DIPK1A: variants seen among roughly 807,000 people sequenced by gnomAD.
DIPK1A encodes family with sequence similarity 69 member A.
Under a neutral mutation model 40.8 loss-of-function variants are expected in DIPK1A, and 27 were observed. The observed-to-expected ratio is 0.66, with a 90% CI of 0.49 to 0.91. The LOEUF is 0.91. DIPK1A is among the 40% of genes least tolerant of loss of function. The pLI is 0.00. For synonymous variants in DIPK1A, 166 were observed against 171.3 expected, an observed-to-expected ratio of 0.97 and a Z score of 0.24; for missense variants, 412 against 505.7, an observed-to-expected ratio of 0.81 and a Z score of 1.78.
Position 92,938,468 on chromosome 1 carries a change from T to TAAAAA in DIPK1A, c.54+22903_54+22907dup, listed in dbSNP as rs71094215. On this transcript the variant is annotated intron_variant, in intron 1 of 4. Transcript: ENST00000370310. ...CTGGGCAACAGAGCGAGACCTTTAC[T>TAAAAA]AAAAAAAAAAAAAAAAAAAAAGTTG... 5.1e-5 allele frequency among the ~76,000 whole-genome samples: 5 copies of TAAAAA among 98,594 alleles called. 1 individual carries two copies. The highest frequency in any genetic ancestry group is 4.1e-5 in the Non-Finnish European group (2 of 49,078). The allele number at this position is 98,594 out of a possible 152,430, so 64.7% of individuals were successfully genotyped here.
At chr1:92,891,803 T>A (rs889427400) in intron 1 of DIPK1A, among the ~76,000 whole-genome samples, 1 of 152,102 alleles carries the variant, frequency 6.6e-6, no homozygotes, top group Non-Finnish European at 1.5e-5. Flanking sequence ...TCGGGTCACT[T>A]TACCCTAATA....
intron 1 of DIPK1A, among the ~76,000 whole-genome samples, chr1:92,911,906 A>T (rs185510066): frequency 6.6e-6 from 1 of 151,100 alleles, no homozygotes; most frequent in East Asian, 1.9e-4. Context: ...TGGGAGGCTA[A>T]GGCACAAGAA....
intron 2 of DIPK1A, among the ~76,000 whole-genome samples, chr1:92,865,965 A>G (rs1268421234): frequency 6.6e-6 from 1 of 152,220 alleles, no homozygotes; most frequent in Non-Finnish European, 1.5e-5. Context: ...GACAAAAGAG[A>G]AAAATATATT....
At chr1:92,927,361 G>GTTTTTT (rs1238581039) in intron 1 of DIPK1A, among the ~76,000 whole-genome samples, 4 of 71,558 alleles carry the variant, frequency 5.6e-5, no homozygotes, top group African/African-American at 1.5e-4. Flanking sequence ...TGCCAATTTT[G>GTTTTTT]TTGTTTTTTT....
At chr1:92,851,916 T>A (rs1263995367) in intron 2 of DIPK1A, among the ~76,000 whole-genome samples, 1 of 152,182 alleles carries the variant, frequency 6.6e-6, no homozygotes, top group Non-Finnish European at 1.5e-5. Flanking sequence ...AGAACTCTAT[T>A]TGGCACCATG....
intron 1 of DIPK1A, among the ~76,000 whole-genome samples, chr1:92,922,777 A>G (rs1002805938): frequency 1.3e-5 from 2 of 152,222 alleles, no homozygotes; most frequent in African/African-American, 4.8e-5. Flanking sequence ...GAATGTCTGT[A>G]ACCTTCGAGA....
chr1:92,839,393 C>T (rs996227696), downstream of DIPK1A, among the ~76,000 whole-genome samples: 2 of 152,086 alleles, frequency 1.3e-5, no homozygotes, highest in African/African-American at 2.4e-5. Context: ...AATATCTGAT[C>T]GGTTGGCTTT....
At chr1:92,941,066 T>C (rs907822450) in intron 1 of DIPK1A, among the ~76,000 whole-genome samples, 1 of 147,392 alleles carries the variant, frequency 6.8e-6, no homozygotes, top group African/African-American at 2.5e-5. Context: ...CTGTAGCTTG[T>C]CTTTTCATCT....
intron 1 of DIPK1A, among the ~76,000 whole-genome samples, chr1:92,934,314 G>T (rs774504878): frequency 3.9e-5 from 6 of 151,960 alleles, no homozygotes; most frequent in South Asian, 2.1e-4. Context: ...CTTTATAAAT[G>T]AATTTAAAAA....
intron 1 of DIPK1A, among the ~76,000 whole-genome samples, chr1:92,886,309 C>T (rs1042930386): frequency 4.6e-5 from 7 of 151,524 alleles, no homozygotes; most frequent in Admixed American, 6.6e-5. Flanking sequence ...CCAGCTTGGG[C>T]GACAGAGCAT....
intron 1 of DIPK1A, among the ~76,000 whole-genome samples, chr1:92,912,218 G>T (rs1259696453): frequency 6.6e-6 from 1 of 151,800 alleles, no homozygotes; most frequent in Admixed American, 6.6e-5. Flanking sequence ...GAAATGTATC[G>T]ATATAAGGAT....
At chr1:92,912,275 C>T (rs1403137927) in intron 1 of DIPK1A, among the ~76,000 whole-genome samples, 1 of 152,008 alleles carries the variant, frequency 6.6e-6, no homozygotes, top group Non-Finnish European at 1.5e-5. Flanking sequence ...GTTTAAGTTG[C>T]TGCCCCATCC....
rs138243689 is a variant in DIPK1A, at chr1:92,870,472, C to T, written c.189+5824G>A. Among the ~76,000 whole-genome samples the T allele has an allele frequency of 1.3e-3, 204 of 152,272 alleles. 1 individual carries two copies. The highest frequency in any genetic ancestry group is 4.7e-3 in the African/African-American group (196 of 41,534). Reference sequence around the variant, plus strand: ...CACTCCTGACCTCAGGTGATCCACCCGCCTCAGCCTCCCAAAATGCTGGGA... The same window carrying T: ...CACTCCTGACCTCAGGTGATCCACCTGCCTCAGCCTCCCAAAATGCTGGGA... On this transcript the variant is annotated intron_variant, in intron 2 of 4. Coordinates refer to ENST00000370310, the MANE Select transcript of DIPK1A (RefSeq NM_001006605.5).
At chr1:92,875,639 C>T (rs1287045058) in intron 2 of DIPK1A, among the ~76,000 whole-genome samples, 1 of 151,138 alleles carries the variant, frequency 6.6e-6, no homozygotes, top group Non-Finnish European at 1.5e-5. Context: ...ATTGCTTGAA[C>T]CTGGGAGGCA....
At chr1:92,879,534 C>G (rs1335509727) in intron 1 of DIPK1A, among the ~76,000 whole-genome samples, 1 of 152,216 alleles carries the variant, frequency 6.6e-6, no homozygotes, top group Non-Finnish European at 1.5e-5. Flanking sequence ...ATGTTCCCAG[C>G]AGGGCACTGG....
chr1:92,842,082 G>C (rs1389313941), downstream of DIPK1A: 8 of 800,614 alleles, frequency 1.0e-5, no homozygotes, highest in Non-Finnish European at 1.2e-5. Context: ...TGTTTTACCT[G>C]ACAGGAGTCA....
intron 2 of DIPK1A, among the ~76,000 whole-genome samples, chr1:92,860,042 T>C (rs920301778): frequency 1.2e-4 from 18 of 152,168 alleles, no homozygotes; most frequent in African/African-American, 4.3e-4. Flanking sequence ...TGGATAAATA[T>C]TACAAATGAA....
At chr1:92,839,031 CTTTT>C (rs35078348), downstream of DIPK1A, among the ~76,000 whole-genome samples, 12 of 118,284 alleles carry the variant, frequency 1.0e-4, no homozygotes, top group East Asian at 1.6e-3. Flanking sequence ...AGAGTTGCAG[CTTTT>C]TTTTTTTTTT....
Position 92,954,301 on chromosome 1 carries a change from A to C in DIPK1A, c.54+7075T>G, listed in dbSNP as rs1037685399. ...CAACAAAGCAAGACCCTGTCTCACA[A>C]AAAAAAAAATAAATAAATAAATAAA... On this transcript the variant is annotated intron_variant, in intron 1 of 4. Coordinates refer to ENST00000370310, the MANE Select transcript of DIPK1A (RefSeq NM_001006605.5). Among the ~76,000 whole-genome samples, 9 of 150,754 alleles carry C rather than the reference A, an allele frequency of 6.0e-5. No individual in the cohort carries two copies. The East Asian group carries it at 9.6e-4, about 16-fold the overall frequency.
Sources: allele counts gnomAD v4.1 joint callset (sites outside exome capture counted in the v4.1 genomes callset), GRCh38; gene constraint gnomAD v4.1.1; transcripts MANE v1.5; gene names NCBI Gene and HGNC (gene_info 2026-07-23, HGNC 2026-07-21).